The following MACROD2 variants were observed in gnomAD, a reference collection of about 807,000 sequenced individuals.
MACROD2 encodes the protein mono-ADP ribosylhydrolase 2.
A neutral mutation model predicts 70.4 loss-of-function variants in MACROD2; 36 were observed. The ratio of observed to expected loss-of-function variants is 0.51; its 90% CI spans 0.39 to 0.68. The LOEUF is 0.68. Among genes scored for constraint, MACROD2 ranks in the 30% least tolerant of loss-of-function variants. The pLI, the probability that MACROD2 is intolerant of heterozygous loss-of-function variation, is 0.00. For synonymous variants in MACROD2, 172 were observed against 178.8 expected, an observed-to-expected ratio of 0.96 and a Z score of 0.30; for missense variants, 496 against 538.4, an observed-to-expected ratio of 0.92 and a Z score of 0.78.
intron 8 of MACROD2, among the ~76,000 whole-genome samples, chr20:15,831,195 C>T (rs1443026161): frequency 1.3e-5 from 2 of 152,172 alleles, no homozygotes; most frequent in Non-Finnish European, 2.9e-5. Context: ...TTCTTAATTA[C>T]CACAGGTCAT....
In MACROD2 at chr20:14,752,082, T is replaced by TA. The variant is rs1262038792; in HGVS notation, c.418+67123_418+67124insA. On this transcript the variant is annotated intron_variant, in intron 5 of 17. Coordinates refer to ENST00000684519, the MANE Select transcript of MACROD2 (RefSeq NM_001351661.2). ...AAGACCTGGTACCACCATCTCCTCA[T>TA]CTTTTTTTTTTTTTTTTTTTAATAT... is the stretch of plus-strand genomic sequence containing the variant. Among the ~76,000 whole-genome samples the TA allele has an allele frequency of 2.5e-3, 362 of 143,238 alleles. 5 individuals carry two copies. Among genetic ancestry groups the TA allele is most frequent in the African/African-American group, 9.4e-3 (339 of 36,242 alleles). The allele number at this position is 143,238 out of a possible 152,430, so 94.0% of individuals were successfully genotyped here.
intron 2 of MACROD2, among the ~76,000 whole-genome samples, chr20:14,034,802 AT>A (rs1277600531): frequency 6.6e-6 from 1 of 152,234 alleles, no homozygotes; most frequent in Non-Finnish European, 1.5e-5. Flanking sequence ...ATTTAAAAAA[AT>A]GTTTTTTCTT....
At chr20:14,372,250 TTATTA>T (rs1251887814) in intron 3 of MACROD2, among the ~76,000 whole-genome samples, 1 of 152,182 alleles carries the variant, frequency 6.6e-6, no homozygotes, top group Non-Finnish European at 1.5e-5. Flanking sequence ...AAACATTTAT[TTATTA>T]TATGTATGCA....
chr20:14,045,195 C>T (rs536867330), intron 2 of MACROD2, among the ~76,000 whole-genome samples: 18 of 152,370 alleles, frequency 1.2e-4, no homozygotes, highest in South Asian at 8.3e-4. Context: ...CTGAGGGAGC[C>T]GGCTCCGGCC....
At chr20:16,001,048 C>A (rs2066702036) in intron 15 of MACROD2, among the ~76,000 whole-genome samples, 1 of 152,202 alleles carries the variant, frequency 6.6e-6, no homozygotes, top group African/African-American at 2.4e-5. Flanking sequence ...GGTGCAAGAA[C>A]TTCCAGATCC....
chr20:15,355,241 C>T (rs1373499232), intron 6 of MACROD2, among the ~76,000 whole-genome samples: 4 of 152,164 alleles, frequency 2.6e-5, no homozygotes, highest in African/African-American at 9.7e-5. Context: ...CCTGGGAAGG[C>T]CACTTGCACT....
intron 5 of MACROD2, among the ~76,000 whole-genome samples, chr20:15,087,644 G>A (rs1456648258): frequency 6.6e-6 from 1 of 151,966 alleles, no homozygotes; most frequent in Non-Finnish European, 1.5e-5. Flanking sequence ...TAACTTTGCG[G>A]TAGGAGAGGA....
intron 4 of MACROD2, among the ~76,000 whole-genome samples, chr20:14,599,702 G>A (rs1247400321): frequency 6.6e-6 from 1 of 152,156 alleles, no homozygotes; most frequent in Non-Finnish European, 1.5e-5. Flanking sequence ...GCAGTAATTG[G>A]ATTCTAACAG....
chr20:14,099,543 T>C (rs1022473238), intron 3 of MACROD2, among the ~76,000 whole-genome samples: 2 of 152,230 alleles, frequency 1.3e-5, no homozygotes, highest in Non-Finnish European at 2.9e-5. Flanking sequence ...TATTTCATTG[T>C]ATAAATATGT....
intron 8 of MACROD2, among the ~76,000 whole-genome samples, chr20:15,671,777 T>G (rs2049983082): frequency 6.6e-6 from 1 of 152,194 alleles, no homozygotes; most frequent in African/African-American, 2.4e-5. Context: ...AATTTTTGAG[T>G]GCTAACAAGT....
chr20:15,207,436 G>GTCT (rs2076719642), intron 5 of MACROD2, among the ~76,000 whole-genome samples: 1 of 84,588 alleles, frequency 1.2e-5, no homozygotes, highest in South Asian at 4.3e-4. Context: ...TTTGTTTCTG[G>GTCT]TTTTTTTTTT....
In MACROD2 at chr20:15,931,145, T is replaced by C. The variant is rs571655975; in HGVS notation, c.776-2131T>C. On this transcript the variant is annotated intron_variant, in intron 10 of 17. Transcript: ENST00000684519. ...AAGGGACAGATATTGGCTAAGTTTTTGGCACATGCTCCTGCACCAACTTGG... is the reference window on the plus strand; with the variant it reads ...AAGGGACAGATATTGGCTAAGTTTTCGGCACATGCTCCTGCACCAACTTGG... Among the ~76,000 whole-genome samples the C allele has an allele frequency of 3.3e-5, 5 of 152,314 alleles. No homozygotes were observed. In the South Asian group the frequency reaches 1.0e-3, roughly 32 times the overall value.
intron 3 of MACROD2, among the ~76,000 whole-genome samples, chr20:14,331,886 T>C (rs900257616): frequency 5.9e-5 from 9 of 152,232 alleles, no homozygotes; most frequent in African/African-American, 2.2e-4. Context: ...ATGGACACTG[T>C]GGCCAGGTTT....
intron 8 of MACROD2, among the ~76,000 whole-genome samples, chr20:15,743,348 G>T (rs1211828231): frequency 6.6e-6 from 1 of 152,068 alleles, no homozygotes; most frequent in African/African-American, 2.4e-5. Flanking sequence ...AAATCAAACA[G>T]AAATATTGTA....
intron 7 of MACROD2, among the ~76,000 whole-genome samples, chr20:15,460,289 TGCCA>T: frequency 6.6e-6 from 1 of 152,172 alleles, no homozygotes; most frequent in East Asian, 1.9e-4. Context: ...TTCCTGTTTC[TGCCA>T]GGACCAATTG....
chr20:15,816,285 T>C (rs2147095456), intron 8 of MACROD2, among the ~76,000 whole-genome samples: 2 of 152,212 alleles, frequency 1.3e-5, no homozygotes, highest in South Asian at 4.1e-4. Context: ...CTGTAAGTGT[T>C]CTGTGATCAA....
intron 8 of MACROD2, among the ~76,000 whole-genome samples, chr20:15,792,788 T>C (rs947748003): frequency 6.6e-6 from 1 of 152,340 alleles, no homozygotes; most frequent in South Asian, 2.1e-4. Context: ...TATACATTTC[T>C]TCATGACTTT....
chr20:14,353,672 C>G (rs966541931), intron 3 of MACROD2, among the ~76,000 whole-genome samples: 6 of 152,120 alleles, frequency 3.9e-5, no homozygotes, highest in African/African-American at 1.2e-4. Context: ...CAATAGCTTT[C>G]CTCTTGGTCA....
At position 15,989,647 on chromosome 20, in the gene MACROD2, C is replaced by T. The variant is rs143227981; in HGVS notation, c.1153+2489C>T. Among the ~76,000 whole-genome samples, 200 of 152,092 alleles carry T rather than the reference C, an allele frequency of 1.3e-3. 2 individuals are homozygous for T. Among genetic ancestry groups the T allele is most frequent in the African/African-American group, 4.6e-3 (193 of 41,506 alleles). Reference sequence around the variant, plus strand: ...GTTTGAAAACATTTCGAGGCTATAGCTCCAGATTTTGTATTCACAAAATAG... The same window carrying T: ...GTTTGAAAACATTTCGAGGCTATAGTTCCAGATTTTGTATTCACAAAATAG... On this transcript the variant is annotated intron_variant, in intron 15 of 17. Transcript: ENST00000684519.
Sources: allele counts gnomAD v4.1 joint callset (sites outside exome capture counted in the v4.1 genomes callset), GRCh38; gene constraint gnomAD v4.1.1; transcripts MANE v1.5; gene names NCBI Gene and HGNC (gene_info 2026-07-23, HGNC 2026-07-21).